The following SCAF8 variants were observed in gnomAD, a reference collection of about 807,000 sequenced individuals.
SCAF8 encodes SR-related CTD associated factor 8.
In SCAF8, 23 loss-of-function variants were observed where a neutral mutation model predicts 140.5. The observed-to-expected ratio is 0.16, with a 90% confidence interval of 0.12 to 0.23. The LOEUF (loss-of-function observed/expected upper bound fraction) is 0.23. Among genes scored for constraint, SCAF8 ranks in the 10% least tolerant of loss-of-function variants. SCAF8 has a pLI of 1.00. For missense variants in SCAF8, 1,397 were observed against 1,555.7 expected, an observed-to-expected ratio of 0.90 and a Z score of 1.72; for synonymous variants, 575 against 528.9, an observed-to-expected ratio of 1.09 and a Z score of -1.20.
intron 1 of SCAF8, among the ~76,000 whole-genome samples, chr6:154,770,384 ACACACTCTCTCTCT>A (rs1199770667): frequency 7.3e-6 from 1 of 137,186 alleles, no homozygotes; most frequent in Non-Finnish European, 1.5e-5. Flanking sequence ...ACACACACAC[ACACACTCTCTCTCT>A]CTCTCTCTCT....
intron 1 of SCAF8, among the ~76,000 whole-genome samples, chr6:154,761,673 A>G (rs1371829780): frequency 2.0e-5 from 3 of 152,186 alleles, no homozygotes; most frequent in Non-Finnish European, 2.9e-5. Flanking sequence ...TGATCACTCA[A>G]GAATATTGCT....
intron 18 of SCAF8, among the ~76,000 whole-genome samples, chr6:154,829,126 C>T (rs1376330393): frequency 2.0e-5 from 3 of 151,890 alleles, no homozygotes; most frequent in Non-Finnish European, 2.9e-5. Flanking sequence ...GCACATGTAC[C>T]CCTGAACATA....
Position 154,822,422 on chromosome 6 carries a change from G to C in SCAF8, c.1926+13G>C, listed in dbSNP as rs759289506. The C allele has an allele frequency of 2.2e-5, 35 of 1,581,270 alleles. No individual in the cohort carries two copies. Among genetic ancestry groups the C allele is most frequent in the Non-Finnish European group, 2.8e-5 (33 of 1,169,764 alleles). ...TGCTATGTTGCAGGTTAGTGTTGAA[G>C]TGGGGTTTTTTTTTTCTTGTGTTGT... On this transcript the variant is annotated intron_variant, in intron 16 of 19. Coordinates refer to ENST00000367178, the MANE Select transcript of SCAF8 (RefSeq NM_014892.5).
rs1778323579 is a variant in SCAF8 at position 154,733,680 on chromosome 6, C to CT, written c.-220dup. On this transcript the variant is annotated 5_prime_UTR_variant, in exon 1 of 20. Transcript: ENST00000367178. ...AGCGCCTCTGTTCCCTAGAACGGCG[C>CT]TCCCCCCGCCCTAGCGGCCATGCCG... 7.7e-7 allele frequency: 1 copy of CT among 1,306,704 alleles called. No homozygotes were observed. Among genetic ancestry groups the CT allele is most frequent in the Non-Finnish European group, 9.7e-7 (1 of 1,031,338 alleles). The allele number at this position is 1,306,704 out of a possible 1,614,324, so 80.9% of individuals were successfully genotyped here. A position where few individuals can be genotyped will look rare whatever the true frequency, so the allele number is the denominator to read the frequency against.
chr6:154,770,406 TC>T (rs1776712067), intron 1 of SCAF8, among the ~76,000 whole-genome samples: 1 of 149,134 alleles, frequency 6.7e-6, no homozygotes, highest in Non-Finnish European at 1.5e-5. Flanking sequence ...TCTCTCTCTC[TC>T]TCTCTCTCTC....
intron 2 of SCAF8, among the ~76,000 whole-genome samples, chr6:154,777,187 G>GA (rs113761597): frequency 4.2e-4 from 60 of 141,568 alleles, no homozygotes; most frequent in Non-Finnish European, 5.1e-4. Context: ...TCTCCAAGGG[G>GA]AAAAAAAAAA....
rs1583075060 is a variant in SCAF8, at chr6:154,831,005, G to T, written c.2224G>T (p.Val742Phe). 1 of 1,613,978 alleles carries T rather than the reference G, an allele frequency of 6.2e-7. No individual in the cohort carries two copies. Among genetic ancestry groups the T allele is most frequent in the East Asian group, 2.2e-5 (1 of 44,876 alleles). ...FGSLVIPGGS[V>F]ASNLATSALP... ...TAGCCTTGTTATACCAGGCGGTTCTGTTGCCAGCAATCTTGCTACTTCCGC... is the reference window on the plus strand; with the variant it reads ...TAGCCTTGTTATACCAGGCGGTTCTTTTGCCAGCAATCTTGCTACTTCCGC... The change falls in exon 19 of 20, where the codon GTT (valine) becomes TTT (phenylalanine). Residue 742 changes from valine (V) to phenylalanine (F), a missense_variant. Transcript: ENST00000367178.
At chr6:154,782,982 A>G (rs1777128232) in intron 3 of SCAF8, among the ~76,000 whole-genome samples, 1 of 152,188 alleles carries the variant, frequency 6.6e-6, no homozygotes, top group Non-Finnish European at 1.5e-5. Context: ...AATCCAGTCA[A>G]GTTGACACTC....
intron 14 of SCAF8, 55 bp from the exon 15 acceptor site, chr6:154,820,122 G>A: frequency 7.3e-7 from 1 of 1,367,118 alleles, no homozygotes; most frequent in Non-Finnish European, 9.7e-7. Context: ...TTTTTACCTT[G>A]TTTTTATAGT....
At chr6:154,803,649 A>AGT (rs777733618) in intron 8 of SCAF8, 26 bp downstream of exon 8, 1 of 1,437,852 alleles carries the variant, frequency 7.0e-7, no homozygotes, top group Non-Finnish European at 9.7e-7. Flanking sequence ...TTATAGCCAT[A>AGT]GTTTTTTTAT....
rs1778783372 is a variant in SCAF8 at position 154,832,704 on chromosome 6, C to T, written c.3125C>T (p.Pro1042Leu). 5.5e-5 allele frequency: 88 copies of T among 1,613,780 alleles called. No homozygotes were observed. The highest frequency in any genetic ancestry group is 7.5e-5 in the Non-Finnish European group (88 of 1,179,964). ...PVDVRDVVGR[P>L]IDPREGPGRP... ...GATGTTAGAGATGTGGTTGGGCGGC[C>T]TATAGATCCAAGAGAAGGTCCTGGA... Residue 1042 changes from proline (P) to leucine (L), a missense_variant, in exon 20 of 20, where the codon CCT (proline) becomes CTT (leucine). This residue lies in a region of SCAF8 where 930 missense variants were observed against 874.6 expected (regional missense o/e 1.06). Transcript: ENST00000367178.
chr6:154,735,793 C>T (rs569116974), intron 1 of SCAF8, among the ~76,000 whole-genome samples: 2 of 152,078 alleles, frequency 1.3e-5, no homozygotes, highest in South Asian at 2.1e-4. Context: ...AGATTATGGG[C>T]GTGTGCCACT....
rs114687403 is a variant in SCAF8 at position 154,816,825 on chromosome 6, A to T, written c.1521+1009A>T. On this transcript the variant is annotated intron_variant, in intron 13 of 19. Coordinates refer to ENST00000367178, the MANE Select transcript of SCAF8 (RefSeq NM_014892.5). Reference sequence around the variant, plus strand: ...GTTGAGTTGAACCATTTTGCATCTTACTTTTGACTGTGTGTGATCTTTTTG... The same window carrying T: ...GTTGAGTTGAACCATTTTGCATCTTTCTTTTGACTGTGTGTGATCTTTTTG... Among the ~76,000 whole-genome samples the T allele has an allele frequency of 1.9e-3, 296 of 152,268 alleles. 1 individual carries two copies. Among genetic ancestry groups the T allele is most frequent in the African/African-American group, 6.6e-3 (276 of 41,548 alleles).
At chr6:154,793,488 T>C (rs945510486) in intron 5 of SCAF8, among the ~76,000 whole-genome samples, 30 of 152,004 alleles carry the variant, frequency 2.0e-4, no homozygotes, top group African/African-American at 6.3e-4. Context: ...ATTTTTTAAA[T>C]AATTTTTTCA....
Position 154,833,317 on chromosome 6 carries a change from A to G in SCAF8, c.3738A>G (p.Ile1246Met). ...AAAAACTGACATCTTCAAATGAAAT[A>G]AACAAGGAGAAGAGTGACACAGTTG... ...LYEKLTSSNEINKEKSDTVAD... is the reference protein window; with the variant it reads ...LYEKLTSSNEMNKEKSDTVAD... Residue 1246 changes from isoleucine to methionine, a missense_variant, in exon 20 of 20, where the codon ATA becomes ATG. Physicochemically the swap from Ile to Met is conservative, Grantham distance 10 (BLOSUM62 1). This residue lies in a region of SCAF8 where 930 missense variants were observed against 874.6 expected (regional missense o/e 1.06). Coordinates refer to ENST00000367178, the MANE Select transcript of SCAF8 (RefSeq NM_014892.5). The G allele has an allele frequency of 6.2e-7, 1 of 1,614,042 alleles. No individual in the cohort carries two copies. Among genetic ancestry groups the G allele is most frequent in the Non-Finnish European group, 8.5e-7 (1 of 1,179,944 alleles).
rs1481327516 is a variant in SCAF8 at position 154,770,407 on chromosome 6, CTCTCTCTCTCTCT to C, written c.31-3581_31-3569del. On this transcript the variant is annotated intron_variant, in intron 1 of 19. Coordinates refer to ENST00000367178, the MANE Select transcript of SCAF8 (RefSeq NM_014892.5). Reference sequence around the variant, plus strand: ...ACACACACTCTCTCTCTCTCTCTCTCTCTCTCTCTCTCTCTCTAGTTGAGTGTGGCGGTCCGTG... The same window carrying C: ...ACACACACTCTCTCTCTCTCTCTCTCCTCTAGTTGAGTGTGGCGGTCCGTG... Among the ~76,000 whole-genome samples, 3 of 148,818 alleles carry C rather than the reference CTCTCTCTCTCTCT, an allele frequency of 2.0e-5. No homozygotes were observed. In the East Asian group the frequency reaches 6.0e-4, roughly 30 times the overall value.
chr6:154,806,509 A>G (rs188070788), intron 9 of SCAF8, among the ~76,000 whole-genome samples: 9 of 152,294 alleles, frequency 5.9e-5, no homozygotes, highest in Admixed American at 1.3e-4. Flanking sequence ...GCATCAGGTA[A>G]CCTCTTCTCT....
At chr6:154,781,108 T>G (rs761800259) in intron 3 of SCAF8, among the ~76,000 whole-genome samples, 4 of 152,114 alleles carry the variant, frequency 2.6e-5, no homozygotes, top group Non-Finnish European at 5.9e-5. Flanking sequence ...CCCCAAAAAC[T>G]CCTTAAACTG....
At chr6:154,769,513 G>A (rs1447236544) in intron 1 of SCAF8, among the ~76,000 whole-genome samples, 2 of 152,182 alleles carry the variant, frequency 1.3e-5, no homozygotes, top group East Asian at 1.9e-4. Context: ...GATTTGATTG[G>A]TCCTTTACTA....
Sources: allele counts gnomAD v4.1 joint callset (sites outside exome capture counted in the v4.1 genomes callset), GRCh38; gene constraint gnomAD v4.1.1; regional missense constraint gnomAD v4.1.1; transcripts MANE v1.5; gene names NCBI Gene and HGNC (gene_info 2026-07-23, HGNC 2026-07-21).